The following NRDC variants were observed in gnomAD, a reference collection of about 807,000 sequenced individuals.
The protein encoded by NRDC is nardilysin.
A neutral mutation model predicts 147.1 loss-of-function variants in NRDC; 54 were observed. The observed-to-expected ratio is 0.37, with a 90% CI of 0.29 to 0.46. The LOEUF is 0.46. Among genes scored for constraint, NRDC ranks in the 20% least tolerant of loss-of-function variants. The pLI, the probability that NRDC is intolerant of heterozygous loss-of-function variation, is 1.00. For missense variants in NRDC, 1,082 were observed against 1,370.6 expected (o/e 0.79, Z 3.33); for synonymous variants, 440 against 482.1 (o/e 0.91, Z 1.14).
At chr1:51,821,645 T>TA (rs1462820018) in intron 7 of NRDC, 90 bp from the exon 8 acceptor site, 20 of 928,440 alleles carry the variant, frequency 2.2e-5, no homozygotes, top group Non-Finnish European at 2.8e-5. Flanking sequence ...GATCTTTAGC[T>TA]AAAAAACAAA....
intron 1 of NRDC, among the ~76,000 whole-genome samples, chr1:51,844,661 T>C (rs1359984246): frequency 6.6e-6 from 1 of 151,172 alleles, no homozygotes; most frequent in Non-Finnish European, 1.5e-5. Flanking sequence ...GCAGAATTGC[T>C]TGAACCCGGG....
At chr1:51,833,176 A>C (rs1245606796) in intron 4 of NRDC, among the ~76,000 whole-genome samples, 1 of 152,052 alleles carries the variant, frequency 6.6e-6, no homozygotes, top group African/African-American at 2.4e-5. Context: ...CTGTTTTTTA[A>C]GTGGCTGGGC....
chr1:51,875,001 T>C (rs1397282958), intron 1 of NRDC, among the ~76,000 whole-genome samples: 3 of 152,202 alleles, frequency 2.0e-5, no homozygotes, highest in Non-Finnish European at 2.9e-5. Context: ...TAATGGATCG[T>C]GCACAAAATC....
At chr1:51,857,648 C>T (rs1284406738) in intron 1 of NRDC, among the ~76,000 whole-genome samples, 2 of 152,088 alleles carry the variant, frequency 1.3e-5, no homozygotes, top group Non-Finnish European at 2.9e-5. Context: ...ACTTCTGATC[C>T]GAACTGGGTT....
intron 1 of NRDC, among the ~76,000 whole-genome samples, chr1:51,866,281 AAAG>A (rs1234283446): frequency 6.6e-6 from 1 of 152,170 alleles, no homozygotes; most frequent in Non-Finnish European, 1.5e-5. Context: ...GTAAGAACGT[AAAG>A]AAGCAGGAAC....
At chr1:51,850,661 C>T (rs553677385) in intron 1 of NRDC, among the ~76,000 whole-genome samples, 16 of 152,336 alleles carry the variant, frequency 1.1e-4, no homozygotes, top group African/African-American at 3.6e-4. Flanking sequence ...AACATCTCAA[C>T]ATCTGTCACT....
intron 22 of NRDC, chr1:51,795,241 T>C: frequency 7.8e-7 from 1 of 1,280,708 alleles, no homozygotes; most frequent in Non-Finnish European, 1.0e-6. Flanking sequence ...CATTTAATAC[T>C]GAGTGAATAC....
intron 17 of NRDC, among the ~76,000 whole-genome samples, chr1:51,807,237 C>G (rs1463502070): frequency 6.6e-6 from 1 of 152,174 alleles, no homozygotes; most frequent in Non-Finnish European, 1.5e-5. Context: ...ATTAAACAAT[C>G]CATTAATTCA....
In NRDC at chr1:51,792,368, T is replaced by G. The variant is rs759264746; in HGVS notation, c.2823+9A>C. 1.6e-5 allele frequency: 26 copies of G among 1,613,858 alleles called. No homozygotes were observed. The highest frequency in any genetic ancestry group is 1.6e-4 in the Middle Eastern group (1 of 6,084). ...GCTGAAAACCTCAGCATCTCCTTTA[T>G]GCACTTACCACAAGCAGCTCCATAA... is the stretch of plus-strand genomic sequence containing the variant. On this transcript the variant is annotated intron_variant, in intron 25 of 30. Coordinates refer to ENST00000352171, the MANE Select transcript of NRDC (RefSeq NM_001101662.2).
chr1:51,836,841 AT>A (rs1403245652), intron 2 of NRDC, among the ~76,000 whole-genome samples: 1 of 152,120 alleles, frequency 6.6e-6, no homozygotes, highest in Non-Finnish European at 1.5e-5. Context: ...TACAGCATAT[AT>A]TACTTATCAG....
intron 1 of NRDC, among the ~76,000 whole-genome samples, chr1:51,847,453 G>A (rs1402828921): frequency 6.6e-6 from 1 of 152,232 alleles, no homozygotes; most frequent in Non-Finnish European, 1.5e-5. Flanking sequence ...GGGAGGCTCG[G>A]GGAGTGCAGG....
intron 2 of NRDC, chr1:51,837,638 A>G: frequency 6.8e-7 from 1 of 1,479,624 alleles, no homozygotes; most frequent in South Asian, 1.4e-5. Flanking sequence ...AGAAATTCAT[A>G]CTTGAGAATT....
At chr1:51,790,681 G>A (rs1445410557) in intron 28 of NRDC, 32 bp from the exon 29 acceptor site, 8 of 1,455,912 alleles carry the variant, frequency 5.5e-6, no homozygotes, top group Non-Finnish European at 7.7e-6. Flanking sequence ...ATGCTCAGGT[G>A]AGGCAACATA....
rs1373667434 is a variant in NRDC at position 51,872,823 on chromosome 1, A to G, written c.341+5452T>C. The stretch of plus-strand genomic sequence containing the variant: ...ACATATTTCAATCTTAAAAGCACTT[A>G]CTTTGTTAAATGAGTTTGAATCTCG... On this transcript the variant is annotated intron_variant, in intron 1 of 30. Transcript: ENST00000352171. 3.3e-5 allele frequency among the ~76,000 whole-genome samples: 5 copies of G among 152,230 alleles called. No individual in the cohort carries two copies. The East Asian group carries it at 7.7e-4, about 23-fold the overall frequency.
chr1:51,792,222 C>T (rs1480175369), intron 25 of NRDC, 124 bp from the exon 26 acceptor site: 57 of 1,395,460 alleles, frequency 4.1e-5, no homozygotes, highest in Non-Finnish European at 5.4e-5. Context: ...TCCTAATTGG[C>T]CCAGGCTTAT....
At chr1:51,829,495 G>A (rs964431148) in intron 4 of NRDC, among the ~76,000 whole-genome samples, 1 of 152,040 alleles carries the variant, frequency 6.6e-6, no homozygotes, top group Non-Finnish European at 1.5e-5. Flanking sequence ...TCTTTATCTG[G>A]CAAAAATTTT....
At chr1:51,846,487 T>TC (rs1681597508) in intron 1 of NRDC, among the ~76,000 whole-genome samples, 1 of 152,252 alleles carries the variant, frequency 6.6e-6, no homozygotes, top group African/African-American at 2.4e-5. Flanking sequence ...CTCACTGACT[T>TC]CAAGAATGAA....
intron 1 of NRDC, among the ~76,000 whole-genome samples, chr1:51,849,185 G>C (rs907420183): frequency 2.6e-5 from 4 of 152,096 alleles, no homozygotes; most frequent in Admixed American, 2.0e-4. Flanking sequence ...TGGAGATCCA[G>C]ACCATCCTGG....
At position 51,810,231 on chromosome 1, in the gene NRDC, C is replaced by G. The variant is rs560835343; in HGVS notation, c.1903+50G>C. On this transcript the variant is annotated intron_variant, in intron 16 of 30. Coordinates refer to ENST00000352171, the MANE Select transcript of NRDC (RefSeq NM_001101662.2). ...TAAATTATTAAAGAATAAACATTTC[C>G]AGGTAAGTTAAATATACCTAAATGT... 37 of 1,358,350 alleles carry G rather than the reference C, an allele frequency of 2.7e-5. No homozygotes were observed. The South Asian group carries it at 5.4e-4, about 20-fold the overall frequency. 84.1% of individuals were successfully genotyped at this position (1,358,350 alleles called of 1,614,324 possible).
Sources: allele counts gnomAD v4.1 joint callset (sites outside exome capture counted in the v4.1 genomes callset), GRCh38; gene constraint gnomAD v4.1.1; transcripts MANE v1.5; gene names NCBI Gene and HGNC (gene_info 2026-07-23, HGNC 2026-07-21).